SLC16A1: variants seen among roughly 807,000 people sequenced by gnomAD.
SLC16A1 encodes solute carrier family 16 member 1, also known as monocarboxylate transporter 1.
SLC16A1 carries 11 observed loss-of-function variants against 32.2 expected under a neutral mutation model. The ratio of observed to expected loss-of-function variants is 0.34; its 90% CI spans 0.21 to 0.56. The LOEUF is 0.56. Ranked by LOEUF, SLC16A1 falls within the 20% of genes least tolerant of loss-of-function variation. The pLI, the probability that SLC16A1 is intolerant of heterozygous loss-of-function variation, is 0.87. For missense variants in SLC16A1, 435 were observed against 615.0 expected (o/e 0.71, Z 3.10); for synonymous variants, 231 against 226.8 (o/e 1.02, Z -0.17).
At position 112,917,161 on chromosome 1, in the gene SLC16A1, AG is replaced by A. The variant is rs777779671; in HGVS notation, c.1228+16del. 1 of 1,614,106 alleles carries A rather than the reference AG, an allele frequency of 6.2e-7. No individual in the cohort carries two copies. Among genetic ancestry groups the A allele is most frequent in the Non-Finnish European group, 8.5e-7 (1 of 1,179,994 alleles). Reference sequence around the variant, plus strand: ...TGTTTTGTAATAGACCCACATTAGTAGGGAGATATACTATACCTAAAAGTGG... The same window carrying A: ...TGTTTTGTAATAGACCCACATTAGTAGGAGATATACTATACCTAAAAGTGG... On this transcript the variant is annotated intron_variant, in intron 4 of 4. Transcript: ENST00000369626. This position sits in a 1 kb window ranked among gnomAD's most constrained non-coding sequence, Gnocchi z 4.1.
At chr1:112,915,908 T>C (rs530133471) in intron 4 of SLC16A1, among the ~76,000 whole-genome samples, 1 of 152,350 alleles carries the variant, frequency 6.6e-6, no homozygotes, top group South Asian at 2.1e-4. Flanking sequence ...GTGTTATGTA[T>C]TGAGCTATTA....
intron 3 of SLC16A1, among the ~76,000 whole-genome samples, chr1:112,921,170 G>A (rs1419557751): frequency 2.0e-5 from 3 of 151,114 alleles, no homozygotes; most frequent in Non-Finnish European, 4.4e-5. Context: ...AAGAAAATAA[G>A]GATTAAAACC....
At chr1:112,943,237 C>T (rs913123647) in intron 1 of SLC16A1, among the ~76,000 whole-genome samples, 26 of 152,056 alleles carry the variant, frequency 1.7e-4, no homozygotes, top group Admixed American at 1.5e-3. Flanking sequence ...AATTGAAAAC[C>T]GGAATTTTCC....
At chr1:112,918,459 CAT>C in intron 3 of SLC16A1, among the ~76,000 whole-genome samples, 1 of 152,094 alleles carries the variant, frequency 6.6e-6, no homozygotes, top group Admixed American at 6.5e-5. Flanking sequence ...TTATTATAAC[CAT>C]ATAAGATCAT....
chr1:112,918,617 A>AT (rs1648603424), intron 3 of SLC16A1, among the ~76,000 whole-genome samples: 2 of 152,300 alleles, frequency 1.3e-5, no homozygotes, highest in South Asian at 4.1e-4. Context: ...CTTGGGCAGC[A>AT]TAGCAAGACC....
rs192993308 is a variant in SLC16A1 at position 112,920,359 on chromosome 1, G to A, written c.361+1631C>T. On this transcript the variant is annotated intron_variant, in intron 3 of 4. Transcript: ENST00000369626. ...GCAGTGGCTCACGCCTGTAATCCCA[G>A]CACTTTGGGAGGCAGCGGCAGGCGG... 8.3e-3 allele frequency among the ~76,000 whole-genome samples: 1,261 copies of A among 152,222 alleles called. 21 individuals are homozygous for A. The highest frequency in any genetic ancestry group is 0.028 in the African/African-American group (1,170 of 41,534).
chr1:112,915,361 G>A (rs577681567), intron 4 of SLC16A1, among the ~76,000 whole-genome samples: 6 of 152,262 alleles, frequency 3.9e-5, no homozygotes, highest in East Asian at 1.9e-4. Context: ...GTGCAAAGGC[G>A]CAATGGTAGG....
chr1:112,930,196 T>C (rs1181209324), intron 1 of SLC16A1, among the ~76,000 whole-genome samples: 2 of 152,176 alleles, frequency 1.3e-5, no homozygotes, highest in Admixed American at 1.3e-4. Flanking sequence ...GATTGGCATG[T>C]GAAGTAAGGG....
At chr1:112,926,158 G>A (rs571182585) in intron 2 of SLC16A1, among the ~76,000 whole-genome samples, 1 of 152,290 alleles carries the variant, frequency 6.6e-6, no homozygotes, top group African/African-American at 2.4e-5. Flanking sequence ...GACAGAAGGT[G>A]CTCTCTTTCC....
At chr1:112,948,209 G>A (rs1014735472) in intron 1 of SLC16A1, among the ~76,000 whole-genome samples, 1 of 151,826 alleles carries the variant, frequency 6.6e-6, no homozygotes. Flanking sequence ...CAATGAGAGC[G>A]AAACTCCAGC....
intron 1 of SLC16A1, among the ~76,000 whole-genome samples, chr1:112,950,494 T>C (rs993504295): frequency 6.6e-6 from 1 of 152,234 alleles, no homozygotes; most frequent in African/African-American, 2.4e-5. Context: ...TCTCCTATAC[T>C]AAGGCTAAGT....
chr1:112,932,496 G>A (rs1649166243), intron 1 of SLC16A1, among the ~76,000 whole-genome samples: 1 of 151,918 alleles, frequency 6.6e-6, no homozygotes, highest in East Asian at 1.9e-4. Flanking sequence ...TCATGCTGCT[G>A]CACTCCAGAG....
chr1:112,950,563 T>C (rs571295100), intron 1 of SLC16A1, among the ~76,000 whole-genome samples: 3 of 152,352 alleles, frequency 2.0e-5, no homozygotes, highest in African/African-American at 7.2e-5. Context: ...CATGATAGTG[T>C]AGATAACCAA....
chr1:112,934,583 G>A (rs1649235937), intron 1 of SLC16A1, among the ~76,000 whole-genome samples: 1 of 152,216 alleles, frequency 6.6e-6, no homozygotes, highest in Non-Finnish European at 1.5e-5. Flanking sequence ...GTGACAAGGG[G>A]AATAAAATTT....
intron 1 of SLC16A1, among the ~76,000 whole-genome samples, chr1:112,947,597 A>AT (rs1649748121): frequency 6.6e-6 from 1 of 152,228 alleles, no homozygotes; most frequent in Non-Finnish European, 1.5e-5. Flanking sequence ...ACAAAGTAAT[A>AT]TAACATTTCA....
At chr1:112,924,565 T>C (rs1032414531) in intron 2 of SLC16A1, among the ~76,000 whole-genome samples, 1 of 151,640 alleles carries the variant, frequency 6.6e-6, no homozygotes, top group Non-Finnish European at 1.5e-5. Context: ...GGGTCATTTA[T>C]AAAGAAAACA....
chr1:112,931,217 A>G (rs1028484868), intron 1 of SLC16A1, among the ~76,000 whole-genome samples: 3 of 152,142 alleles, frequency 2.0e-5, no homozygotes, highest in African/African-American at 7.2e-5. Flanking sequence ...CAGGCTGGGG[A>G]ATTATCTCAG....
Position 112,917,423 on chromosome 1 carries a change from C to A in SLC16A1, c.983G>T (p.Arg328Leu), listed in dbSNP as rs774823539. The A allele has an allele frequency of 6.2e-7, 1 of 1,614,160 alleles. No homozygotes were observed. The highest frequency in any genetic ancestry group is 8.5e-7 in the Non-Finnish European group (1 of 1,180,038). Residue 328 changes from arginine to leucine, a missense_variant, in exon 4 of 5, where the codon CGA (arginine) becomes CTA (leucine). Transcript: ENST00000369626. This position sits in a 1 kb window ranked among gnomAD's most constrained non-coding sequence, Gnocchi z 4.1. ...LVANTKPIRPRIQYFFAASVV... is the reference protein window; with the variant it reads ...LVANTKPIRPLIQYFFAASVV... ...GGAAGCCGCAAAGAAATACTGAATT[C>A]GAGGTCTTATTGGCTTTGTGTTGGC... is the stretch of plus-strand genomic sequence containing the variant.
intron 2 of SLC16A1, 70 bp from the exon 3 acceptor site, chr1:112,922,203 CAATG>C (rs1480790453): frequency 2.3e-5 from 33 of 1,407,346 alleles, no homozygotes; most frequent in African/African-American, 8.5e-5. Context: ...GTATGAATGA[CAATG>C]AATGACAAAT....
Sources: allele counts gnomAD v4.1 joint callset (sites outside exome capture counted in the v4.1 genomes callset), GRCh38; gene constraint gnomAD v4.1.1; non-coding constraint Gnocchi (gnomAD v3.1); transcripts MANE v1.5; gene names NCBI Gene and HGNC (gene_info 2026-07-23, HGNC 2026-07-21).